The following FMN1 variants were observed in gnomAD, a reference collection of about 807,000 sequenced individuals.
FMN1 encodes the protein formin 1.
FMN1 carries 110 observed loss-of-function variants against 132.4 expected under a neutral mutation model. The observed-to-expected ratio is 0.83, with a 90% CI of 0.71 to 0.97. The LOEUF (loss-of-function observed/expected upper bound fraction) is 0.97, where lower values mean the gene tolerates loss of function less well. Ranked by LOEUF, FMN1 falls within the 50% of genes least tolerant of loss-of-function variation. FMN1 has a pLI of 0.00. For synonymous variants in FMN1, 722 were observed against 651.7 expected, an observed-to-expected ratio of 1.11 and a Z score of -1.64; for missense variants, 1,792 against 1,705.3, an observed-to-expected ratio of 1.05 and a Z score of -0.90.
intron 9 of FMN1, among the ~76,000 whole-genome samples, chr15:32,958,578 A>G (rs1321123233): frequency 1.3e-5 from 2 of 152,114 alleles, no homozygotes; most frequent in African/African-American, 2.4e-5. Context: ...ACATACATAC[A>G]TACATACATA....
chr15:32,824,133 GA>G (rs1290059719), intron 17 of FMN1, among the ~76,000 whole-genome samples: 1 of 152,264 alleles, frequency 6.6e-6, no homozygotes, highest in Non-Finnish European at 1.5e-5. Flanking sequence ...CGTGAGAGGG[GA>G]AAGGTGGGAA....
chr15:32,900,894 C>A (rs1343906072), intron 13 of FMN1, among the ~76,000 whole-genome samples: 1 of 152,130 alleles, frequency 6.6e-6, no homozygotes, highest in Non-Finnish European at 1.5e-5. Flanking sequence ...TGGCTCACGC[C>A]TGTAATCCCA....
At chr15:32,988,844 T>A (rs965991001) in intron 7 of FMN1, among the ~76,000 whole-genome samples, 4 of 152,200 alleles carry the variant, frequency 2.6e-5, no homozygotes, top group African/African-American at 9.7e-5. Flanking sequence ...TCCCCATCTA[T>A]AAAATGAACA....
rs537540633 is a variant in FMN1, at chr15:33,104,256, C to G, written c.1868-15282G>C. On this transcript the variant is annotated intron_variant, in intron 4 of 20. Coordinates refer to ENST00000616417, the MANE Select transcript of FMN1 (RefSeq NM_001277313.2). ...CTTCAAAACAACAAAGAGCATTAGACTGAACTGTATGGTGCTGACAAGTAT... is the reference window on the plus strand; with the variant it reads ...CTTCAAAACAACAAAGAGCATTAGAGTGAACTGTATGGTGCTGACAAGTAT... Among the ~76,000 whole-genome samples, 3 of 152,180 alleles carry G rather than the reference C, an allele frequency of 2.0e-5. No individual in the cohort carries two copies. The South Asian group carries it at 6.2e-4, about 32-fold the overall frequency.
At chr15:33,047,538 C>T (rs1566863883) in intron 6 of FMN1, among the ~76,000 whole-genome samples, 1 of 152,060 alleles carries the variant, frequency 6.6e-6, no homozygotes, top group Non-Finnish European at 1.5e-5. Context: ...CACCACAGAC[C>T]CTGTTTTGGG....
chr15:32,914,450 C>A (rs2140292598), intron 10 of FMN1, among the ~76,000 whole-genome samples: 1 of 152,164 alleles, frequency 6.6e-6, no homozygotes, highest in East Asian at 1.9e-4. Flanking sequence ...TGAAGAGAGA[C>A]TTAATTAAAG....
intron 16 of FMN1, among the ~76,000 whole-genome samples, chr15:32,872,434 T>C (rs1296731413): frequency 1.3e-5 from 2 of 152,382 alleles, no homozygotes; most frequent in Non-Finnish European, 1.5e-5. Flanking sequence ...CCCAAAATTA[T>C]AGCAACACAT....
intron 6 of FMN1, among the ~76,000 whole-genome samples, chr15:33,010,945 T>TTTCTGA (rs1442856557): frequency 2.6e-5 from 4 of 151,878 alleles, no homozygotes; most frequent in African/African-American, 9.7e-5. Context: ...GCAAGCCATG[T>TTTCTGA]TTCTGATTTA....
At chr15:33,010,068 G>A (rs1171432049) in intron 6 of FMN1, among the ~76,000 whole-genome samples, 4 of 152,116 alleles carry the variant, frequency 2.6e-5, no homozygotes, top group Non-Finnish European at 5.9e-5. Context: ...ATTTTTAGTA[G>A]AGACAGGGTT....
intron 15 of FMN1, among the ~76,000 whole-genome samples, 198 bp downstream of exon 15, chr15:32,898,636 T>G (rs1055619219): frequency 7.2e-5 from 11 of 152,212 alleles, no homozygotes; most frequent in Non-Finnish European, 1.3e-4. Flanking sequence ...TCAGTAGATT[T>G]ACACCACTGA....
At chr15:32,960,310 G>A (rs1004673565) in intron 9 of FMN1, among the ~76,000 whole-genome samples, 1 of 152,156 alleles carries the variant, frequency 6.6e-6, no homozygotes, top group Non-Finnish European at 1.5e-5. Flanking sequence ...CTCACTATCA[G>A]GAGAACAGAA....
chr15:32,905,756 T>G (rs2060409535), intron 12 of FMN1, among the ~76,000 whole-genome samples: 1 of 152,218 alleles, frequency 6.6e-6, no homozygotes, highest in South Asian at 2.1e-4. Flanking sequence ...TTCCAGTATG[T>G]AAAACATGCT....
chr15:32,954,625 A>AC (rs2061723648), intron 9 of FMN1, among the ~76,000 whole-genome samples: 1 of 152,232 alleles, frequency 6.6e-6, no homozygotes, highest in Non-Finnish European at 1.5e-5. Flanking sequence ...CTATACAATG[A>AC]CCAAAAAATA....
At chr15:33,164,549 T>C (rs1306981310) in intron 3 of FMN1, among the ~76,000 whole-genome samples, 2 of 152,330 alleles carry the variant, frequency 1.3e-5, no homozygotes, top group Non-Finnish European at 2.9e-5. Flanking sequence ...GTTAACAAGG[T>C]GTGCGCATTG....
intron 17 of FMN1, among the ~76,000 whole-genome samples, chr15:32,850,812 TTC>T (rs1391109872): frequency 1.3e-5 from 2 of 152,220 alleles, no homozygotes; most frequent in African/African-American, 4.8e-5. Flanking sequence ...TAGAAAATAG[TTC>T]TTTTTTTTAA....
chr15:33,091,976 T>G (rs528227807), intron 4 of FMN1, among the ~76,000 whole-genome samples: 2 of 152,320 alleles, frequency 1.3e-5, no homozygotes, highest in South Asian at 2.1e-4. Flanking sequence ...TTCATGTGCA[T>G]ACTACAAACC....
At chr15:32,817,043 T>G (rs1392049051) in intron 17 of FMN1, among the ~76,000 whole-genome samples, 2 of 152,248 alleles carry the variant, frequency 1.3e-5, no homozygotes, top group Non-Finnish European at 2.9e-5. Flanking sequence ...GAAGCCATAC[T>G]TATACATGAT....
intron 5 of FMN1, among the ~76,000 whole-genome samples, chr15:33,082,230 G>A (rs909519387): frequency 2.6e-5 from 4 of 151,790 alleles, no homozygotes; most frequent in Non-Finnish European, 4.4e-5. Flanking sequence ...CCACCGCCAC[G>A]GTCGGCTAAT....
At chr15:32,800,425 G>T (rs2057438735) in intron 18 of FMN1, among the ~76,000 whole-genome samples, 3 of 152,172 alleles carry the variant, frequency 2.0e-5, no homozygotes. Flanking sequence ...GTCCACTCTT[G>T]CCCCAGACAT....
Sources: allele counts gnomAD v4.1 joint callset (sites outside exome capture counted in the v4.1 genomes callset), GRCh38; gene constraint gnomAD v4.1.1; transcripts MANE v1.5; gene names NCBI Gene and HGNC (gene_info 2026-07-23, HGNC 2026-07-21).